RGS6: variants seen among roughly 807,000 people sequenced by gnomAD.
RGS6 encodes the protein regulator of G-protein signaling 6.
In RGS6, 30 loss-of-function variants were observed where a neutral mutation model predicts 78.5. That is an observed-to-expected ratio of 0.38 (90% CI 0.29 to 0.52). The LOEUF is 0.52. RGS6 is among the 20% of genes least tolerant of loss of function. RGS6 has a pLI of 0.85. For synonymous variants in RGS6, 206 were observed against 206.0 expected (o/e 1.00, Z 0.00); for missense variants, 495 against 609.7 (o/e 0.81, Z 1.98).
At chr14:72,173,845 C>A (rs2097062991) in intron 2 of RGS6, among the ~76,000 whole-genome samples, 2 of 152,082 alleles carry the variant, frequency 1.3e-5, no homozygotes, top group Admixed American at 1.3e-4. Context: ...ATTTTGTACC[C>A]TCTTGATAAT....
intron 2 of RGS6, among the ~76,000 whole-genome samples, chr14:71,986,996 G>A (rs1412557463): frequency 1.3e-5 from 2 of 152,060 alleles, no homozygotes; most frequent in Non-Finnish European, 2.9e-5. Context: ...TAATCCAGGG[G>A]TACCTCCCCA....
chr14:72,275,156 G>C (rs940215756), intron 2 of RGS6, among the ~76,000 whole-genome samples: 1 of 152,102 alleles, frequency 6.6e-6, no homozygotes, highest in African/African-American at 2.4e-5. Flanking sequence ...TTGTATGATA[G>C]TTATATATGG....
chr14:72,006,494 A>T (rs2084585539), intron 2 of RGS6, among the ~76,000 whole-genome samples: 1 of 152,210 alleles, frequency 6.6e-6, no homozygotes, highest in African/African-American at 2.4e-5. Flanking sequence ...TTGTGACGAT[A>T]GGCAATGTAT....
At chr14:72,556,688 G>T (rs1203706254) in intron 17 of RGS6, among the ~76,000 whole-genome samples, 1 of 141,674 alleles carries the variant, frequency 7.1e-6, no homozygotes, top group African/African-American at 2.7e-5. Context: ...GGGTCGGGGG[G>T]GCGGGGTGGG....
intron 2 of RGS6, among the ~76,000 whole-genome samples, chr14:72,271,285 G>A (rs1327430940): frequency 1.3e-5 from 2 of 152,190 alleles, no homozygotes; most frequent in South Asian, 2.1e-4. Context: ...TGAGAGAAAA[G>A]CAAAGGGACG....
At chr14:72,106,998 C>T (rs980289410) in intron 2 of RGS6, among the ~76,000 whole-genome samples, 2 of 151,944 alleles carry the variant, frequency 1.3e-5, no homozygotes, top group African/African-American at 4.8e-5. Context: ...ATGTTAACAG[C>T]CATAGATACT....
intron 2 of RGS6, among the ~76,000 whole-genome samples, chr14:72,047,784 A>G (rs894527284): frequency 6.6e-6 from 1 of 151,824 alleles, no homozygotes; most frequent in East Asian, 1.9e-4. Context: ...CTGGACTGCA[A>G]TGGCGCGCTC....
intron 2 of RGS6, among the ~76,000 whole-genome samples, chr14:72,016,402 G>A (rs1040352754): frequency 6.6e-6 from 1 of 152,154 alleles, no homozygotes; most frequent in Non-Finnish European, 1.5e-5. Context: ...GTCTCGCACT[G>A]TTCCCCAGGC....
intron 2 of RGS6, among the ~76,000 whole-genome samples, chr14:72,052,511 T>G (rs2093311178): frequency 1.3e-5 from 2 of 152,148 alleles, no homozygotes; most frequent in African/African-American, 4.8e-5. Flanking sequence ...TCTACTTGTT[T>G]CCAGATGGTA....
chr14:72,277,220 G>C (rs1432509804), intron 2 of RGS6, among the ~76,000 whole-genome samples: 1 of 152,188 alleles, frequency 6.6e-6, no homozygotes, highest in Non-Finnish European at 1.5e-5. Flanking sequence ...TGCATCAGAG[G>C]AGGCCTCTTT....
chr14:72,297,885 A>G (rs193207020), intron 2 of RGS6, among the ~76,000 whole-genome samples: 235 of 152,186 alleles, frequency 1.5e-3, no homozygotes, highest in African/African-American at 5.5e-3. Flanking sequence ...TATTTTAAAT[A>G]GTATTTTAAC....
intron 2 of RGS6, among the ~76,000 whole-genome samples, chr14:72,335,696 G>A (rs948339378): frequency 1.3e-5 from 2 of 152,098 alleles, no homozygotes; most frequent in Admixed American, 6.5e-5. Flanking sequence ...GAATTGTCTT[G>A]GGCCACACAT....
chr14:72,263,006 A>G (rs148937277), intron 2 of RGS6, among the ~76,000 whole-genome samples: 58 of 152,208 alleles, frequency 3.8e-4, no homozygotes, highest in African/African-American at 1.4e-3. Context: ...CTGTCTCCCA[A>G]GAGTCAACTC....
chr14:72,310,235 T>A (rs577713623), intron 2 of RGS6, among the ~76,000 whole-genome samples: 1 of 152,360 alleles, frequency 6.6e-6, no homozygotes, highest in East Asian at 1.9e-4. Context: ...CCTTCCTGGC[T>A]GTCAGAGAGG....
At chr14:72,083,026 A>ACC (rs1250970378) in intron 2 of RGS6, among the ~76,000 whole-genome samples, 1 of 152,132 alleles carries the variant, frequency 6.6e-6, no homozygotes, top group African/African-American at 2.4e-5. Context: ...CTGTGTACAT[A>ACC]CCTCTAGATG....
intron 17 of RGS6, among the ~76,000 whole-genome samples, chr14:72,548,328 TG>T (rs1440193307): frequency 1.3e-4 from 12 of 91,432 alleles, no homozygotes; most frequent in African/African-American, 5.5e-4. Flanking sequence ...AGATCATATT[TG>T]TGTGTGTGTG....
chr14:72,364,026 ACT>A (rs1231018319), intron 3 of RGS6, among the ~76,000 whole-genome samples: 3 of 148,466 alleles, frequency 2.0e-5, no homozygotes, highest in African/African-American at 5.0e-5. Context: ...AAAAAAAAAA[ACT>A]CTATATTTAT....
At chr14:72,291,526 A>T (rs577327153) in intron 2 of RGS6, among the ~76,000 whole-genome samples, 1 of 152,298 alleles carries the variant, frequency 6.6e-6, no homozygotes, top group African/African-American at 2.4e-5. Context: ...CAAGGGCTTG[A>T]TCTCTGTCTT....
intron 17 of RGS6, among the ~76,000 whole-genome samples, chr14:72,560,797 CGTGTGTGTGT>C (rs57504072): frequency 0.034 from 4,869 of 141,308 alleles, 235 homozygotes; most frequent in African/African-American, 0.11. Context: ...ATTTTGTGGA[CGTGTGTGTGT>C]GTGTGTGTGT....
Sources: gnomAD v4.1 joint callset for allele counts (sites outside exome capture counted in the v4.1 genomes callset) on GRCh38, gnomAD v4.1.1 for gene constraint, MANE v1.5 for transcripts, NCBI Gene and HGNC (gene_info 2026-07-23, HGNC 2026-07-21) for gene names.